The following MPPED1 variants were observed in gnomAD, a reference collection of about 807,000 sequenced individuals.
MPPED1 encodes metallophosphoesterase domain containing 1, also known as metallophosphoesterase domain-containing protein 1.
A neutral mutation model predicts 36.2 loss-of-function variants in MPPED1; 16 were observed. That is an observed-to-expected ratio of 0.44 (90% CI 0.30 to 0.67). The LOEUF (loss-of-function observed/expected upper bound fraction) is 0.67, where lower values mean the gene tolerates loss of function less well. Among genes scored for constraint, MPPED1 ranks in the 30% least tolerant of loss-of-function variants. The probability of loss-of-function intolerance (pLI) is 0.10; values close to 1 mark genes in which losing one functional copy is unlikely to be tolerated. For missense variants in MPPED1, 307 were observed against 453.4 expected (o/e 0.68, Z 2.93); for synonymous variants, 199 against 191.3 (o/e 1.04, Z -0.33).
chr22:43,495,971 ATGGTGGTGGTGGAGATGG>A (rs1932317580), intron 4 of MPPED1, among the ~76,000 whole-genome samples: 1 of 16,048 alleles, frequency 6.2e-5, no homozygotes, highest in Non-Finnish European at 1.3e-4. Context: ...GGTGGTGGAG[ATGGTGGTGGTGGAGATGG>A]TGGTGGTGGT....
At chr22:43,484,147 A>G (rs555571453) in intron 4 of MPPED1, among the ~76,000 whole-genome samples, 16 of 152,352 alleles carry the variant, frequency 1.1e-4, no homozygotes, top group African/African-American at 3.8e-4. Flanking sequence ...TGATTCCAGC[A>G]CAAGGCTGGC....
chr22:43,501,322 T>C (rs527972714), intron 5 of MPPED1, among the ~76,000 whole-genome samples: 1 of 152,294 alleles, frequency 6.6e-6, no homozygotes, highest in South Asian at 2.1e-4. Context: ...TTTCCATATC[T>C]CCTTTTTTCC....
chr22:43,429,369 G>A (rs965570193), intron 2 of MPPED1, among the ~76,000 whole-genome samples: 6 of 152,194 alleles, frequency 3.9e-5, no homozygotes, highest in Non-Finnish European at 5.9e-5. Flanking sequence ...CTCACACCCC[G>A]GCACTGCCTG....
intron 1 of MPPED1, among the ~76,000 whole-genome samples, chr22:43,423,944 TCTGA>T (rs1929365318): frequency 2.6e-5 from 4 of 152,180 alleles, no homozygotes; most frequent in African/African-American, 9.7e-5. Flanking sequence ...AACTCAATGG[TCTGA>T]CTAACGAGGC....
intron 2 of MPPED1, among the ~76,000 whole-genome samples, chr22:43,426,289 C>T (rs1018592233): frequency 6.6e-6 from 1 of 152,084 alleles, no homozygotes; most frequent in Non-Finnish European, 1.5e-5. Context: ...CCATTGTCCC[C>T]TTGGCTGTTG....
intron 4 of MPPED1, among the ~76,000 whole-genome samples, chr22:43,490,832 C>T (rs1932058846): frequency 6.6e-6 from 1 of 152,226 alleles, no homozygotes; most frequent in Non-Finnish European, 1.5e-5. Flanking sequence ...ATTCCCCCTA[C>T]CTGCCTGGTT....
intron 3 of MPPED1, among the ~76,000 whole-genome samples, chr22:43,438,060 GT>G: frequency 6.6e-6 from 1 of 152,322 alleles, no homozygotes; most frequent in South Asian, 2.1e-4. Flanking sequence ...AGCCCACGAG[GT>G]GCCAGGTGTG....
intron 3 of MPPED1, among the ~76,000 whole-genome samples, chr22:43,447,799 TTATA>T (rs547383228): frequency 7.1e-6 from 1 of 140,922 alleles, no homozygotes; most frequent in African/African-American, 2.6e-5. Flanking sequence ...GGGAGCACAC[TTATA>T]TATATATATA....
chr22:43,455,259 A>G (rs1930714833), intron 3 of MPPED1, among the ~76,000 whole-genome samples: 1 of 151,730 alleles, frequency 6.6e-6, no homozygotes, highest in Admixed American at 6.6e-5. Flanking sequence ...ACAGGTGCCC[A>G]CTACCGTGCC....
Position 43,412,088 on chromosome 22 carries a change from A to T in MPPED1, c.-149A>T. 2 of 978,542 alleles carry T rather than the reference A, an allele frequency of 2.0e-6. No individual in the cohort carries two copies. Among genetic ancestry groups the T allele is most frequent in the Non-Finnish European group, 2.4e-6 (2 of 827,414 alleles). 60.6% of individuals were successfully genotyped at this position (978,542 alleles called of 1,614,324 possible). A position where few individuals can be genotyped will look rare whatever the true frequency, so the allele number is the denominator to read the frequency against. On this transcript the variant is annotated 5_prime_UTR_variant, in exon 1 of 7. Coordinates refer to ENST00000443721, the MANE Select transcript of MPPED1 (RefSeq NM_001044370.2). Reference sequence around the variant, plus strand: ...CGCCCCTGCGCGCCTCCCTCCCGGGAGCCCCTGCCTCCCTCGGTGCGCGCT... The same window carrying T: ...CGCCCCTGCGCGCCTCCCTCCCGGGTGCCCCTGCCTCCCTCGGTGCGCGCT...
chr22:43,425,348 G>A, intron 2 of MPPED1, 139 bp downstream of exon 2: 2 of 1,385,852 alleles, frequency 1.4e-6, no homozygotes, highest in Non-Finnish European at 1.9e-6. Context: ...TGGAATTCTA[G>A]GATCATCGGG....
intron 3 of MPPED1, among the ~76,000 whole-genome samples, chr22:43,451,655 AT>A (rs1930571534): frequency 6.6e-6 from 1 of 152,174 alleles, no homozygotes; most frequent in Non-Finnish European, 1.5e-5. Flanking sequence ...CCAAACTAAC[AT>A]TTGTCATGTT....
chr22:43,420,984 TA>T (rs1929253338), intron 1 of MPPED1, among the ~76,000 whole-genome samples: 2 of 152,128 alleles, frequency 1.3e-5, no homozygotes, highest in South Asian at 2.1e-4. Context: ...TCCTCCCCCG[TA>T]GTTCCATTTT....
intron 4 of MPPED1, among the ~76,000 whole-genome samples, chr22:43,476,049 G>A (rs1931566974): frequency 6.6e-6 from 1 of 151,934 alleles, no homozygotes. Context: ...TAGTGATGGT[G>A]ATAATGATGG....
At chr22:43,418,729 G>C (rs1216122330) in intron 1 of MPPED1, 1 of 157,438 alleles carries the variant, frequency 6.4e-6, no homozygotes, top group East Asian at 1.9e-4. Context: ...CAGTGGGTGC[G>C]TTGGGGCTGA....
chr22:43,484,292 A>G (rs908357200), intron 4 of MPPED1, among the ~76,000 whole-genome samples: 2 of 152,226 alleles, frequency 1.3e-5, no homozygotes, highest in Non-Finnish European at 2.9e-5. Flanking sequence ...GATGATCTCC[A>G]TTCCCATCTT....
intron 3 of MPPED1, among the ~76,000 whole-genome samples, chr22:43,442,543 G>A (rs1181400412): frequency 6.6e-6 from 1 of 152,230 alleles, no homozygotes; most frequent in African/African-American, 2.4e-5. Context: ...AGGTGGAGCT[G>A]TTCTCTATGC....
rs1192433822 is a variant in MPPED1 at position 43,507,522 on chromosome 22, C to G, written c.*1906C>G. 2 of 152,206 alleles carry G rather than the reference C, an allele frequency of 1.3e-5. No homozygotes were observed. The highest frequency in any genetic ancestry group is 4.8e-5 in the African/African-American group (2 of 41,430). The allele number at this position is 152,206 out of a possible 1,614,324, so 9.4% of individuals were successfully genotyped here. A position where few individuals can be genotyped will look rare whatever the true frequency, so the allele number is the denominator to read the frequency against. ...AGCCAGGGATGTTTATGAGGTCTCT[C>G]TGATGCCCCAGGCGCAGGACATGTG... On this transcript the variant is annotated 3_prime_UTR_variant, in exon 7 of 7. Transcript: ENST00000443721.
At chr22:43,496,648 G>A (rs1304730692) in intron 4 of MPPED1, among the ~76,000 whole-genome samples, 2 of 21,234 alleles carry the variant, frequency 9.4e-5, no homozygotes, top group Non-Finnish European at 7.2e-5. Flanking sequence ...TGGTGGTGGA[G>A]GTGGTGGTGG....
Sources: gnomAD v4.1 joint callset for allele counts (sites outside exome capture counted in the v4.1 genomes callset) on GRCh38, gnomAD v4.1.1 for gene constraint, MANE v1.5 for transcripts, NCBI Gene and HGNC (gene_info 2026-07-23, HGNC 2026-07-21) for gene names.